The following GSE1 variants were observed in gnomAD, a reference collection of about 807,000 sequenced individuals.
GSE1 encodes genetic suppressor element 1.
In GSE1, 32 loss-of-function variants were observed where a neutral mutation model predicts 112.6. That is an observed-to-expected ratio of 0.28 (90% CI 0.21 to 0.38). GSE1 has a LOEUF of 0.38. Among genes scored for constraint, GSE1 ranks in the 10% least tolerant of loss-of-function variants. The pLI, the probability that GSE1 is intolerant of heterozygous loss-of-function variation, is 1.00. For synonymous variants in GSE1, 1,115 were observed against 735.6 expected, an observed-to-expected ratio of 1.52 and a Z score of -8.35; for missense variants, 2,348 against 1,699.2, an observed-to-expected ratio of 1.38 and a Z score of -6.71.
chr16:85,349,226 C>G (rs913632661), intron 1 of GSE1, among the ~76,000 whole-genome samples: 24 of 152,258 alleles, frequency 1.6e-4, no homozygotes, highest in African/African-American at 5.5e-4. Context: ...CCCCCTGACC[C>G]GAAGCCTTAT....
intron 2 of GSE1, among the ~76,000 whole-genome samples, chr16:85,531,403 T>G (rs986795484): frequency 1.3e-5 from 2 of 151,772 alleles, no homozygotes; most frequent in African/African-American, 4.8e-5. Context: ...GGTAGACGGA[T>G]GAGCACAGAC....
chr16:85,514,776 G>A (rs558807124), intron 2 of GSE1, among the ~76,000 whole-genome samples: 1 of 152,302 alleles, frequency 6.6e-6, no homozygotes, highest in East Asian at 1.9e-4. Context: ...GGTTGGTCAG[G>A]GCCTTGGCAG....
intron 6 of GSE1, 47 bp from the exon 7 acceptor site, chr16:85,656,296 C>G (rs1038038891): frequency 1.9e-6 from 3 of 1,600,514 alleles, no homozygotes; most frequent in Admixed American, 1.7e-5. Context: ...AGGTCCGTCT[C>G]TTGTTCCTGG....
intron 1 of GSE1, among the ~76,000 whole-genome samples, chr16:85,225,149 G>A (rs935131492): frequency 6.6e-6 from 1 of 151,986 alleles, no homozygotes; most frequent in Non-Finnish European, 1.5e-5. Context: ...AGAAGTAAGT[G>A]AATAGTAGAC....
intron 2 of GSE1, among the ~76,000 whole-genome samples, chr16:85,496,096 G>T (rs540062902): frequency 6.6e-6 from 1 of 152,204 alleles, no homozygotes; most frequent in Non-Finnish European, 1.5e-5. Flanking sequence ...CTCTGTATGG[G>T]GGCACAGCTC....
At chr16:85,245,991 T>G (rs1905622315) in intron 1 of GSE1, among the ~76,000 whole-genome samples, 1 of 145,864 alleles carries the variant, frequency 6.9e-6, no homozygotes, top group African/African-American at 2.6e-5. Context: ...GGTGTGTTAG[T>G]GGGGAGGCAA....
chr16:85,472,241 A>T (rs1468569538), intron 2 of GSE1, among the ~76,000 whole-genome samples: 1 of 152,136 alleles, frequency 6.6e-6, no homozygotes, highest in Non-Finnish European at 1.5e-5. Flanking sequence ...AAACCACAGG[A>T]ATGTATTATT....
upstream of GSE1, among the ~76,000 whole-genome samples, chr16:85,554,291 T>C (rs2151251190): frequency 6.6e-6 from 1 of 152,222 alleles, no homozygotes; most frequent in South Asian, 2.1e-4. Context: ...CATGGGGCCT[T>C]CTTGAGCTGG....
chr16:85,518,796 A>G (rs1168891348), intron 2 of GSE1, among the ~76,000 whole-genome samples: 2 of 152,044 alleles, frequency 1.3e-5, no homozygotes, highest in East Asian at 1.9e-4. Context: ...AAAAGGACCT[A>G]TCCTTACGCA....
At chr16:85,471,745 TG>T (rs1431378187) in intron 2 of GSE1, among the ~76,000 whole-genome samples, 1 of 152,106 alleles carries the variant, frequency 6.6e-6, no homozygotes, top group Non-Finnish European at 1.5e-5. Flanking sequence ...GATCTCGCTC[TG>T]TTGCCCAGGG....
At chr16:85,655,660 C>T (rs1364848436) in intron 5 of GSE1, 66 bp from the exon 6 acceptor site, 1 of 1,085,856 alleles carries the variant, frequency 9.2e-7, no homozygotes, top group Non-Finnish European at 1.4e-6. Flanking sequence ...TGAGACACAC[C>T]TGTCGACAGG....
chr16:85,528,685 G>GTTTTGTTTTTTA (rs1567563210), intron 2 of GSE1, among the ~76,000 whole-genome samples: 8 of 140,414 alleles, frequency 5.7e-5, no homozygotes, highest in African/African-American at 2.0e-4. Flanking sequence ...TTTGTTTTTT[G>GTTTTGTTTTTTA]ATGGGGTGGT....
chr16:85,623,673 C>T (rs997416676), intron 1 of GSE1, among the ~76,000 whole-genome samples: 34 of 152,218 alleles, frequency 2.2e-4, no homozygotes, highest in African/African-American at 7.5e-4. Context: ...GACTTAAAGG[C>T]GCCCATTTCT....
intron 1 of GSE1, among the ~76,000 whole-genome samples, chr16:85,221,665 C>A (rs1025140208): frequency 2.0e-5 from 3 of 152,210 alleles, no homozygotes; most frequent in Non-Finnish European, 2.9e-5. Context: ...GTCTCGGCCC[C>A]GGCTTCCTAA....
intron 1 of GSE1, chr16:85,594,233 T>TGGG (rs1193602830): frequency 3.3e-4 from 8 of 24,040 alleles, no homozygotes; most frequent in African/African-American, 4.2e-4. Context: ...CCTGGGGGGT[T>TGGG]GGGGGGGGGG....
intron 2 of GSE1, among the ~76,000 whole-genome samples, chr16:85,449,971 G>A (rs1311976838): frequency 6.6e-6 from 1 of 152,118 alleles, no homozygotes; most frequent in African/African-American, 2.4e-5. Context: ...CAAAAGGAAG[G>A]GCCTAGTCTC....
intron 2 of GSE1, among the ~76,000 whole-genome samples, chr16:85,378,852 G>A (rs2047482333): frequency 6.6e-6 from 1 of 152,124 alleles, no homozygotes; most frequent in Admixed American, 6.5e-5. Context: ...CTCTGCTGTT[G>A]CTCCCTCTCC....
At chr16:85,331,421 A>ATATG (rs1259452803) in intron 1 of GSE1, among the ~76,000 whole-genome samples, 49 of 108,770 alleles carry the variant, frequency 4.5e-4, no homozygotes, top group Admixed American at 1.3e-3. Context: ...ATGCGTATAT[A>ATATG]TGTATATATG....
intron 1 of GSE1, among the ~76,000 whole-genome samples, chr16:85,294,783 C>A (rs1254973356): frequency 2.0e-5 from 3 of 151,614 alleles, no homozygotes; most frequent in African/African-American, 7.3e-5. Context: ...CCAGGGACCC[C>A]AAGGTGCAAG....
Sources: gnomAD v4.1 joint callset for allele counts (sites outside exome capture counted in the v4.1 genomes callset) on GRCh38, gnomAD v4.1.1 for gene constraint, MANE v1.5 for transcripts, NCBI Gene and HGNC (gene_info 2026-07-23, HGNC 2026-07-21) for gene names.